SEC24A: variants seen among roughly 807,000 people sequenced by gnomAD.
SEC24A encodes the protein SEC24 homolog A, COPII component, also known as protein transport protein Sec24A.
Under a neutral mutation model 129.4 loss-of-function variants are expected in SEC24A, and 93 were observed. The observed-to-expected ratio is 0.72, with a 90% CI of 0.61 to 0.85. The LOEUF (loss-of-function observed/expected upper bound fraction) is 0.85, where lower values mean the gene tolerates loss of function less well. Among genes scored for constraint, SEC24A ranks in the 40% least tolerant of loss-of-function variants. SEC24A has a pLI of 0.00. For missense variants in SEC24A, 1,264 were observed against 1,307.4 expected (o/e 0.97, Z 0.51); for synonymous variants, 460 against 467.3 (o/e 0.98, Z 0.20).
chr5:134,712,839 C>G (rs867424462), intron 18 of SEC24A, among the ~76,000 whole-genome samples: 1 of 150,580 alleles, frequency 6.6e-6, no homozygotes, highest in Non-Finnish European at 1.5e-5. Flanking sequence ...AGGATGGCCT[C>G]AATTTCCTGA....
intron 15 of SEC24A, among the ~76,000 whole-genome samples, chr5:134,701,716 G>A (rs1752013988): frequency 6.6e-6 from 1 of 151,742 alleles, no homozygotes; most frequent in South Asian, 2.1e-4. Context: ...TCACCATGTC[G>A]GTGAGGCTGG....
At chr5:134,650,469 G>A (rs1750008251) in intron 1 of SEC24A, among the ~76,000 whole-genome samples, 1 of 151,960 alleles carries the variant, frequency 6.6e-6, no homozygotes, top group African/African-American at 2.4e-5. Context: ...TGACCACTGT[G>A]GTATGCTGTA....
At chr5:134,667,967 A>C (rs893609115) in intron 3 of SEC24A, among the ~76,000 whole-genome samples, 6 of 152,160 alleles carry the variant, frequency 3.9e-5, no homozygotes, top group Non-Finnish European at 8.8e-5. Flanking sequence ...TAATCTCAGC[A>C]CTTTGGGAGG....
At chr5:134,685,825 A>C (rs1386807879) in intron 9 of SEC24A, among the ~76,000 whole-genome samples, 2 of 151,876 alleles carry the variant, frequency 1.3e-5, no homozygotes, top group Non-Finnish European at 2.9e-5. Flanking sequence ...TGTCTCTACT[A>C]AAAAAATACA....
chr5:134,696,472 A>G (rs1487526430), intron 13 of SEC24A, among the ~76,000 whole-genome samples: 2 of 152,032 alleles, frequency 1.3e-5, no homozygotes, highest in African/African-American at 2.4e-5. Flanking sequence ...AAATAAAGGG[A>G]AAAAAACCTA....
chr5:134,693,211 T>C (rs1327137622), intron 12 of SEC24A: 6 of 1,518,086 alleles, frequency 4.0e-6, no homozygotes, highest in Non-Finnish European at 4.4e-6. Flanking sequence ...CTGTTGGCAA[T>C]GGTGACTGTG....
chr5:134,690,058 G>C (rs978462504), intron 11 of SEC24A, among the ~76,000 whole-genome samples: 1 of 151,908 alleles, frequency 6.6e-6, no homozygotes, highest in Non-Finnish European at 1.5e-5. Context: ...CACTTTTGTT[G>C]CCCAAGCTGG....
chr5:134,712,026 C>T (rs1455153538), intron 18 of SEC24A, among the ~76,000 whole-genome samples: 3 of 151,852 alleles, frequency 2.0e-5, no homozygotes, highest in African/African-American at 4.8e-5. Flanking sequence ...GGATTACAGG[C>T]GTGAGCCACC....
intron 1 of SEC24A, among the ~76,000 whole-genome samples, chr5:134,654,765 A>G (rs1750183224): frequency 1.3e-5 from 2 of 151,726 alleles, no homozygotes; most frequent in African/African-American, 4.8e-5. Context: ...CCCCCAGGCT[A>G]GAGTACAGTG....
At chr5:134,677,495 A>T in intron 7 of SEC24A, among the ~76,000 whole-genome samples, 1 of 143,764 alleles carries the variant, frequency 7.0e-6, no homozygotes, top group African/African-American at 2.6e-5. Flanking sequence ...TAAGAAGCAG[A>T]GTCTTAACTG....
At chr5:134,693,543 T>A (rs759448401) in intron 12 of SEC24A, 184 bp from the exon 13 acceptor site, 20 of 1,429,244 alleles carry the variant, frequency 1.4e-5, no homozygotes, top group Non-Finnish European at 1.7e-5. Context: ...TTTGTCTTGC[T>A]TGCCAATTTA....
intron 1 of SEC24A, among the ~76,000 whole-genome samples, chr5:134,650,490 T>C (rs372662691): frequency 1.3e-5 from 2 of 152,118 alleles, no homozygotes; most frequent in South Asian, 4.1e-4. Flanking sequence ...TTAGAGATAC[T>C]GTCACTATGT....
At chr5:134,652,650 C>T (rs1284818428) in intron 1 of SEC24A, among the ~76,000 whole-genome samples, 1 of 151,794 alleles carries the variant, frequency 6.6e-6, no homozygotes, top group African/African-American at 2.4e-5. Context: ...TGCAGTGGTG[C>T]GATCTCAGCT....
At chr5:134,707,309 G>A (rs1356102939) in intron 17 of SEC24A, among the ~76,000 whole-genome samples, 2 of 151,898 alleles carry the variant, frequency 1.3e-5, no homozygotes, top group African/African-American at 4.8e-5. Context: ...GAAATTTGAA[G>A]ATCACTGCCT....
chr5:134,708,819 G>C lies in SEC24A; in HGVS notation c.2658G>C (p.Gln886His), dbSNP rs1367886658. 3.1e-6 allele frequency: 5 copies of C among 1,614,090 alleles called. No homozygotes were observed. The highest frequency in any genetic ancestry group is 4.2e-6 in the Non-Finnish European group (5 of 1,180,016). The change falls in exon 18 of 23, where the codon CAG becomes CAC. Residue 886 changes from glutamine to histidine, a missense_variant. Physicochemically the swap from Gln to His is conservative, Grantham distance 24. Transcript: ENST00000398844. ...SAYRSSVLSNQQPGLMVPFSL... is the reference protein window; with the variant it reads ...SAYRSSVLSNHQPGLMVPFSL... ...ACCGTTCTTCAGTCTTAAGTAACCA[G>C]CAGCCTGGACTCATGGTTCCTTTTT... is the stretch of plus-strand genomic sequence containing the variant.
chr5:134,722,373 T>C (rs1397919050), intron 21 of SEC24A, among the ~76,000 whole-genome samples: 1 of 152,006 alleles, frequency 6.6e-6, no homozygotes, highest in Non-Finnish European at 1.5e-5. Flanking sequence ...GAGACCAGCC[T>C]GGCCAACATG....
rs76571525 is a variant in SEC24A at position 134,670,388 on chromosome 5, C to T, written c.740-1421C>T. ...TTTAAACCATTAAATGTATCTACTTCGTGTTAATACAGCTATTGAAGTTAG... is the reference window on the plus strand; with the variant it reads ...TTTAAACCATTAAATGTATCTACTTTGTGTTAATACAGCTATTGAAGTTAG... On this transcript the variant is annotated intron_variant, in intron 3 of 22. Coordinates refer to ENST00000398844, the MANE Select transcript of SEC24A (RefSeq NM_021982.3). 1.7e-3 allele frequency among the ~76,000 whole-genome samples: 253 copies of T among 152,268 alleles called. 1 individual carries two copies. Among genetic ancestry groups the T allele is most frequent in the African/African-American group, 5.6e-3 (231 of 41,548 alleles).
At chr5:134,681,441 T>TG (rs1751268105) in intron 8 of SEC24A, among the ~76,000 whole-genome samples, 5 of 121,882 alleles carry the variant, frequency 4.1e-5, no homozygotes, top group African/African-American at 1.3e-4. Flanking sequence ...AGTTTTATTG[T>TG]TTGTGTGTGT....
At chr5:134,687,292 G>A (rs1751486694) in intron 10 of SEC24A, among the ~76,000 whole-genome samples, 1 of 152,106 alleles carries the variant, frequency 6.6e-6, no homozygotes, top group African/African-American at 2.4e-5. Flanking sequence ...AAAGTATTAA[G>A]GAAAATTAGC....
Sources: allele counts gnomAD v4.1 joint callset (sites outside exome capture counted in the v4.1 genomes callset), GRCh38; gene constraint gnomAD v4.1.1; transcripts MANE v1.5; gene names NCBI Gene and HGNC (gene_info 2026-07-23, HGNC 2026-07-21).